Variants in AGMO observed in about 807,000 individuals in gnomAD.
AGMO encodes the protein alkylglycerol monooxygenase, also known as glyceryl-ether monooxygenase.
In AGMO, 75 loss-of-function variants were observed where a neutral mutation model predicts 60.2. The observed-to-expected ratio is 1.25, with a 90% CI of 1.03 to 1.51. The LOEUF is 1.51. Ranked by LOEUF, AGMO falls within the 40% of genes most tolerant of loss-of-function variation. The probability of loss-of-function intolerance (pLI) is 0.00; values close to 1 mark genes in which losing one functional copy is unlikely to be tolerated. For synonymous variants in AGMO, 261 were observed against 177.1 expected, an observed-to-expected ratio of 1.47 and a Z score of -3.76; for missense variants, 763 against 525.5, an observed-to-expected ratio of 1.45 and a Z score of -4.42.
chr7:15,243,216 C>CT (rs1782643703), intron 12 of AGMO, among the ~76,000 whole-genome samples: 2 of 152,012 alleles, frequency 1.3e-5, no homozygotes, highest in Admixed American at 1.3e-4. Flanking sequence ...AAATGAACAT[C>CT]TTCAAATTAA....
intron 12 of AGMO, among the ~76,000 whole-genome samples, chr7:15,255,534 C>CAAAAAAAAAAAAAAAAAAAAAAAAAAA (rs60035165): frequency 8.6e-6 from 1 of 115,830 alleles, no homozygotes; most frequent in Admixed American, 8.8e-5. Flanking sequence ...TGTAAGAATA[C>CAAAAAAAAAAAAAAAAAAAAAAAAAAA]AAAAAAAAAA....
At chr7:15,189,124 C>T in the AGMO span, among the ~76,000 whole-genome samples, 40 of 152,052 alleles carry the variant, frequency 2.6e-4, no homozygotes, top group African/African-American at 8.9e-4. Flanking sequence ...GTATTAAATT[C>T]CTCAGAATTA....
chr7:15,224,468 A>C (rs1782017562), intron 12 of AGMO, among the ~76,000 whole-genome samples: 1 of 151,602 alleles, frequency 6.6e-6, no homozygotes, highest in Non-Finnish European at 1.5e-5. Flanking sequence ...TCCTCTCATC[A>C]ATGTGAGGAT....
intron 12 of AGMO, among the ~76,000 whole-genome samples, chr7:15,227,007 T>A (rs1782102935): frequency 6.6e-6 from 1 of 152,022 alleles, no homozygotes; most frequent in Non-Finnish European, 1.5e-5. Context: ...ATTTCCTGAG[T>A]AATTACTTGA....
intron 12 of AGMO, chr7:15,358,353 A>G (rs556136439): frequency 8.7e-6 from 4 of 457,684 alleles, no homozygotes; most frequent in Non-Finnish European, 1.8e-5. Context: ...ATGCTTTTTC[A>G]AAAGAGCTGC....
chr7:15,177,330 T>G, the AGMO span, among the ~76,000 whole-genome samples: 2 of 152,038 alleles, frequency 1.3e-5, no homozygotes, highest in Non-Finnish European at 2.9e-5. Flanking sequence ...TGGCCTTTAT[T>G]TCTCTTTAAA....
intron 12 of AGMO, among the ~76,000 whole-genome samples, chr7:15,219,764 G>A (rs527578619): frequency 3.3e-5 from 5 of 152,138 alleles, no homozygotes; most frequent in Non-Finnish European, 5.9e-5. Flanking sequence ...AGTAGTATTG[G>A]CTATGGGGAT....
intron 3 of AGMO, among the ~76,000 whole-genome samples, chr7:15,489,311 A>C (rs1783006705): frequency 6.6e-6 from 1 of 152,184 alleles, no homozygotes. Context: ...TAACTTTAAG[A>C]ATTTTCTTTA....
the AGMO span, among the ~76,000 whole-genome samples, chr7:15,177,764 T>C: frequency 2.0e-5 from 3 of 152,166 alleles, no homozygotes; most frequent in African/African-American, 7.2e-5. Flanking sequence ...TCCAGTTTTA[T>C]AATTCTAAGG....
intron 10 of AGMO, among the ~76,000 whole-genome samples, chr7:15,369,359 C>G (rs1186447841): frequency 1.3e-5 from 2 of 152,054 alleles, no homozygotes; most frequent in Non-Finnish European, 2.9e-5. Context: ...GAATAAAGCT[C>G]AAAGTCATCA....
chr7:15,166,989 A>T, the AGMO span, among the ~76,000 whole-genome samples: 1 of 152,182 alleles, frequency 6.6e-6, no homozygotes, highest in African/African-American at 2.4e-5. Flanking sequence ...TGGAGAAAAG[A>T]TAATAGAGAG....
chr7:15,513,473 G>A (rs1215314397), intron 3 of AGMO, among the ~76,000 whole-genome samples: 1 of 152,028 alleles, frequency 6.6e-6, no homozygotes, highest in Non-Finnish European at 1.5e-5. Flanking sequence ...GTGTGGGTGA[G>A]GTGGTGGATT....
chr7:15,346,153 C>T (rs573338013), intron 12 of AGMO, among the ~76,000 whole-genome samples: 67 of 152,174 alleles, frequency 4.4e-4, no homozygotes, highest in Admixed American at 3.3e-3. Context: ...AAAAGCTATG[C>T]TTTTCAAACT....
the AGMO span, among the ~76,000 whole-genome samples, chr7:15,181,619 T>TTA: frequency 6.6e-6 from 1 of 152,154 alleles, no homozygotes; most frequent in African/African-American, 2.4e-5. Context: ...GTTCAATATA[T>TTA]TATATATATT....
At chr7:15,270,199 T>C (rs371894166) in intron 12 of AGMO, among the ~76,000 whole-genome samples, 28 of 152,210 alleles carry the variant, frequency 1.8e-4, no homozygotes, top group African/African-American at 6.5e-4. Flanking sequence ...CTGTTTTTCA[T>C]AGAGGTTGTA....
chr7:15,132,063 CAG>C, the AGMO span, among the ~76,000 whole-genome samples: 1 of 152,052 alleles, frequency 6.6e-6, no homozygotes, highest in Non-Finnish European at 1.5e-5. Flanking sequence ...CCTTCTGAGG[CAG>C]AGAGGAGTGG....
At chr7:15,226,394 A>C (rs985568083) in intron 12 of AGMO, among the ~76,000 whole-genome samples, 26 of 152,224 alleles carry the variant, frequency 1.7e-4, no homozygotes, top group Admixed American at 3.9e-4. Flanking sequence ...TAAGATGACA[A>C]TATTTTTCTG....
chr7:15,418,702 A>T, intron 4 of AGMO, 49 bp from the exon 5 acceptor site: 1 of 1,128,898 alleles, frequency 8.9e-7, no homozygotes, highest in Non-Finnish European at 1.3e-6. Flanking sequence ...TGAATTCTCA[A>T]TGCTTTGTTA....
intron 5 of AGMO, among the ~76,000 whole-genome samples, chr7:15,395,792 C>T (rs1416156765): frequency 6.6e-6 from 1 of 152,180 alleles, no homozygotes; most frequent in Non-Finnish European, 1.5e-5. Flanking sequence ...TTGCCTAAGT[C>T]TCAGACATAT....
Sources: allele counts gnomAD v4.1 joint callset (sites outside exome capture counted in the v4.1 genomes callset), GRCh38; gene constraint gnomAD v4.1.1; transcripts MANE v1.5; gene names NCBI Gene and HGNC (gene_info 2026-07-23, HGNC 2026-07-21).